DMD: variants seen among roughly 807,000 people sequenced by gnomAD.
The protein encoded by DMD is dystrophin, also known as mutant dystrophin.
In DMD, 63 loss-of-function variants were observed where a neutral mutation model predicts 330.1. The observed-to-expected ratio is 0.19, with a 90% CI of 0.16 to 0.24. DMD has a LOEUF of 0.24. DMD is among the 10% of genes least tolerant of loss of function. The probability of loss-of-function intolerance (pLI) is 1.00; values close to 1 mark genes in which losing one functional copy is unlikely to be tolerated. For synonymous variants in DMD, 1,223 were observed against 959.8 expected (o/e 1.27, Z -5.07); for missense variants, 3,344 against 2,684.1 (o/e 1.25, Z -5.43).
rs772085641 is a variant in DMD, at chrX:31,316,454, G to T, written c.9224+7144C>A. Reference sequence around the variant, plus strand: ...CCTGGAGTCTGTTATTTCAGTCAAGGTGATACAAATCAGCTTATGAAACTA... The same window carrying T: ...CCTGGAGTCTGTTATTTCAGTCAAGTTGATACAAATCAGCTTATGAAACTA... On this transcript the variant is annotated intron_variant, in intron 62 of 78. Coordinates refer to ENST00000357033, the MANE Select transcript of DMD (RefSeq NM_004006.3). Among the ~76,000 whole-genome samples the T allele has an allele frequency of 1.5e-3, 164 of 111,511 alleles. 1 individual carries two copies. The highest frequency in any genetic ancestry group is 2.7e-3 in the Non-Finnish European group (143 of 53,109).
At chrX:32,133,842 C>A (rs1035427674) in intron 44 of DMD, among the ~76,000 whole-genome samples, 33 of 111,540 alleles carry the variant, frequency 3.0e-4, no homozygotes, top group African/African-American at 1.0e-3. Flanking sequence ...CAAAGGTCCA[C>A]CCTCACCTCA....
At chrX:32,820,580 T>C (rs987765495) in intron 5 of DMD, among the ~76,000 whole-genome samples, 22 of 112,269 alleles carry the variant, frequency 2.0e-4, no homozygotes, top group Non-Finnish European at 3.6e-4. Flanking sequence ...TTTTTAAAAA[T>C]GGTAAGATCA....
intron 9 of DMD, among the ~76,000 whole-genome samples, chrX:32,687,238 T>C (rs752204375): frequency 2.2e-4 from 25 of 112,032 alleles, no homozygotes; most frequent in African/African-American, 7.8e-4. Context: ...AGAGTGCACT[T>C]TATTGAACAC....
intron 67 of DMD, among the ~76,000 whole-genome samples, chrX:31,201,276 A>G (rs1206327973): frequency 1.8e-5 from 2 of 111,996 alleles, no homozygotes; most frequent in Non-Finnish European, 3.8e-5. Context: ...CAGGAGGCTG[A>G]GGTGGGAGGA....
At chrX:32,639,377 TA>T (rs1164504787) in intron 11 of DMD, among the ~76,000 whole-genome samples, 6 of 107,867 alleles carry the variant, frequency 5.6e-5, no homozygotes, top group Middle Eastern at 4.7e-3. Flanking sequence ...TCCACAGCAT[TA>T]AAAAAAAAAT....
At chrX:32,547,483 G>C (rs986406637) in intron 16 of DMD, among the ~76,000 whole-genome samples, 1 of 110,788 alleles carries the variant, frequency 9.0e-6, no homozygotes, top group African/African-American at 3.3e-5. Flanking sequence ...CACTGTAATT[G>C]AAAAATACTA....
At chrX:31,819,057 A>G (rs190663712) in intron 50 of DMD, among the ~76,000 whole-genome samples, 2 of 111,435 alleles carry the variant, frequency 1.8e-5, no homozygotes, top group Non-Finnish European at 3.8e-5. Flanking sequence ...AAAACAAAAA[A>G]CAACACCCAA....
At chrX:31,367,121 G>C (rs1470494610) in intron 60 of DMD, among the ~76,000 whole-genome samples, 1 of 110,998 alleles carries the variant, frequency 9.0e-6, no homozygotes, top group East Asian at 2.8e-4. Flanking sequence ...CAGTACAGTT[G>C]GTGTAGAACG....
In DMD at chrX:32,798,958, A is replaced by G. The variant is rs765319728; in HGVS notation, c.649+10535T>C. Reference sequence around the variant, plus strand: ...TATCAAAATGTGATGATTACAGCAGAGGCGGAAAAAAGTTAAAACAGCCCT... The same window carrying G: ...TATCAAAATGTGATGATTACAGCAGGGGCGGAAAAAAGTTAAAACAGCCCT... On this transcript the variant is annotated intron_variant, in intron 7 of 78. Transcript: ENST00000357033. 4.5e-5 allele frequency among the ~76,000 whole-genome samples: 5 copies of G among 111,789 alleles called. No individual in the cohort carries two copies. The East Asian group carries it at 1.4e-3, about 31-fold the overall frequency.
chrX:33,120,878 CAAAAAAAAAAAAAA>C (rs1171070469), intron 1 of DMD, among the ~76,000 whole-genome samples: 1 of 36,691 alleles, frequency 2.7e-5, no homozygotes, highest in Non-Finnish European at 4.2e-5. Context: ...ATGACTCTCT[CAAAAAAAAAAAAAA>C]AAAAAAAAAA....
intron 48 of DMD, among the ~76,000 whole-genome samples, chrX:31,847,070 T>C (rs1304057770): frequency 1.8e-5 from 2 of 111,550 alleles, no homozygotes; most frequent in African/African-American, 6.5e-5. Flanking sequence ...GAATATTCCC[T>C]GTTCAAGTCA....
chrX:32,190,637 T>C (rs981982229), intron 44 of DMD, among the ~76,000 whole-genome samples: 1 of 100,836 alleles, frequency 9.9e-6, no homozygotes, highest in African/African-American at 3.6e-5. Flanking sequence ...ATAAGTTCTT[T>C]AAGAGATATT....
At chrX:32,246,357 C>T (rs904889821) in intron 43 of DMD, among the ~76,000 whole-genome samples, 2 of 100,931 alleles carry the variant, frequency 2.0e-5, no homozygotes, top group Non-Finnish European at 4.0e-5. Context: ...CTGCTGGATT[C>T]GGTATGCCAG....
chrX:32,292,689 C>T (rs930300774), intron 42 of DMD, among the ~76,000 whole-genome samples: 5 of 111,532 alleles, frequency 4.5e-5, no homozygotes, highest in Non-Finnish European at 9.4e-5. Flanking sequence ...TTCCAGATGA[C>T]GGGCTCTGAA....
In DMD at chrX:31,912,982, G is replaced by A. The variant is rs189182801; in HGVS notation, c.6912+16614C>T. Among the ~76,000 whole-genome samples, 5 of 112,557 alleles carry A rather than the reference G, an allele frequency of 4.4e-5. No homozygotes were observed. In the East Asian group the frequency reaches 1.4e-3, roughly 31 times the overall value. ...CACAGAACTCAACCACCAAGCTGTG[G>A]GGAAGCCAAAGGAGACACATGGAGA... On this transcript the variant is annotated intron_variant, in intron 47 of 78. Coordinates refer to ENST00000357033, the MANE Select transcript of DMD (RefSeq NM_004006.3).
chrX:31,149,380 C>T (rs1355076418), intron 74 of DMD, among the ~76,000 whole-genome samples: 1 of 112,306 alleles, frequency 8.9e-6, no homozygotes, highest in Non-Finnish European at 1.9e-5. Flanking sequence ...GTCTGATAGG[C>T]CTTCTCAGCC....
chrX:32,230,205 ACCT>A (rs1233434183), intron 43 of DMD, among the ~76,000 whole-genome samples: 2 of 110,987 alleles, frequency 1.8e-5, no homozygotes, highest in African/African-American at 6.7e-5. Context: ...AAATGAGTAT[ACCT>A]TCTGAAAAGA....
At chrX:32,677,076 C>T (rs180745586) in intron 9 of DMD, among the ~76,000 whole-genome samples, 2 of 110,684 alleles carry the variant, frequency 1.8e-5, no homozygotes, top group Non-Finnish European at 3.8e-5. Context: ...TGTAATTTCA[C>T]TGACAAATGA....
intron 43 of DMD, among the ~76,000 whole-genome samples, chrX:32,265,563 G>T (rs1186486494): frequency 8.9e-6 from 1 of 112,051 alleles, no homozygotes; most frequent in East Asian, 2.8e-4. Context: ...GCATGGAACA[G>T]CCACAGACAC....
Sources: allele counts gnomAD v4.1 joint callset (sites outside exome capture counted in the v4.1 genomes callset), GRCh38; gene constraint gnomAD v4.1.1; transcripts MANE v1.5; gene names NCBI Gene and HGNC (gene_info 2026-07-23, HGNC 2026-07-21).